The following OLFM2 variants were observed in gnomAD, a reference collection of about 807,000 sequenced individuals.
OLFM2 encodes the protein olfactomedin 2, also known as noelin-2.
In OLFM2, 20 loss-of-function variants were observed where a neutral mutation model predicts 43.9. That is an observed-to-expected ratio of 0.46 (90% confidence interval 0.32 to 0.66). OLFM2 has a LOEUF of 0.66. OLFM2 is among the 30% of genes least tolerant of loss of function. The pLI is 0.04. For missense variants in OLFM2, 416 were observed against 643.6 expected, an observed-to-expected ratio of 0.65 and a Z score of 3.83; for synonymous variants, 268 against 278.6, an observed-to-expected ratio of 0.96 and a Z score of 0.38.
chr19:9,915,050 G>A (rs527519676), intron 1 of OLFM2, among the ~76,000 whole-genome samples: 67 of 152,240 alleles, frequency 4.4e-4, no homozygotes, highest in African/African-American at 1.4e-3. Flanking sequence ...GACCTGTAGG[G>A]ATGACTGTTC....
intron 1 of OLFM2, among the ~76,000 whole-genome samples, chr19:9,915,493 C>CTTTTTTAT (rs779799984): frequency 2.1e-4 from 28 of 130,972 alleles, no homozygotes; most frequent in Middle Eastern, 3.7e-3. Flanking sequence ...GAGAAAGGGA[C>CTTTTTTAT]TTTTTTATTT....
In OLFM2 at chr19:9,856,197, C is replaced by T. The variant is rs1261190502; in HGVS notation, c.687+610G>A. ...CACTGCAACCTCTGCCTCCAGGGTTCAAGTGATTCTCCTGCCTCAGCCTCC... is the reference window on the plus strand; with the variant it reads ...CACTGCAACCTCTGCCTCCAGGGTTTAAGTGATTCTCCTGCCTCAGCCTCC... On this transcript the variant is annotated intron_variant, in intron 5 of 5. Transcript: ENST00000264833. This position sits in a 1 kb window ranked among gnomAD's most constrained non-coding sequence, Gnocchi z 4.0. 6.6e-6 allele frequency among the ~76,000 whole-genome samples: 1 copy of T among 152,202 alleles called. No homozygotes were observed. Among genetic ancestry groups the T allele is most frequent in the Non-Finnish European group, 1.5e-5 (1 of 68,032 alleles).
Position 9,854,281 on chromosome 19 carries a change from G to T in OLFM2, c.1270C>A (p.Pro424Thr), listed in dbSNP as rs2046295221. The change falls in exon 6 of 6, where the codon CCC becomes ACC. Residue 424 changes from proline to threonine, a missense_variant. By Grantham distance (38) the Pro-to-Thr change is conservative. Coordinates refer to ENST00000264833, the MANE Select transcript of OLFM2 (RefSeq NM_058164.4). This position sits in a 1 kb window ranked among gnomAD's most constrained non-coding sequence, Gnocchi z 9.5. ...CAGGTATAGAGGGCGCGCTCCCGGGGGTTGTAATCCAGCATCGAGATGTGG... is the reference window on the plus strand; with the variant it reads ...CAGGTATAGAGGGCGCGCTCCCGGGTGTTGTAATCCAGCATCGAGATGTGG... ...YSHISMLDYN[P>T]RERALYTWNN... 6.2e-7 allele frequency: 1 copy of T among 1,614,028 alleles called. No individual in the cohort carries two copies. Among genetic ancestry groups the T allele is most frequent in the Admixed American group, 1.7e-5 (1 of 60,004 alleles).
At chr19:9,888,121 C>T (rs1212318569) in intron 1 of OLFM2, among the ~76,000 whole-genome samples, 1 of 152,174 alleles carries the variant, frequency 6.6e-6, no homozygotes, top group African/African-American at 2.4e-5. Flanking sequence ...TCCTGCAAAA[C>T]CCCAAACATA....
chr19:9,891,243 G>C (rs903274765), intron 1 of OLFM2, among the ~76,000 whole-genome samples: 1 of 150,528 alleles, frequency 6.6e-6, no homozygotes, highest in Non-Finnish European at 1.5e-5. Context: ...GAACCTGGAG[G>C]CAGAGGTTGC....
At chr19:9,925,058 T>C (rs948131773) in intron 1 of OLFM2, among the ~76,000 whole-genome samples, 19 of 151,182 alleles carry the variant, frequency 1.3e-4, no homozygotes, top group African/African-American at 4.1e-4. Flanking sequence ...AGCCCAGGAG[T>C]TGGAGACCAG....
intron 1 of OLFM2, among the ~76,000 whole-genome samples, chr19:9,880,684 T>TGGCC (rs1277946916): frequency 6.6e-6 from 1 of 152,086 alleles, no homozygotes; most frequent in African/African-American, 2.4e-5. Flanking sequence ...AGTAAGAAGG[T>TGGCC]GGCCACCTGC....
intron 1 of OLFM2, among the ~76,000 whole-genome samples, chr19:9,921,697 G>A (rs1021640921): frequency 6.6e-6 from 1 of 151,876 alleles, no homozygotes; most frequent in Non-Finnish European, 1.5e-5. Context: ...ATATTAGCCA[G>A]GACGGTCTTG....
At chr19:9,868,588 C>T (rs1421612235) in intron 1 of OLFM2, among the ~76,000 whole-genome samples, 1 of 152,132 alleles carries the variant, frequency 6.6e-6, no homozygotes, top group Admixed American at 6.6e-5. Context: ...ATTTTAATCA[C>T]CATCTTTAAA....
chr19:9,876,968 A>G (rs12981687), intron 1 of OLFM2, among the ~76,000 whole-genome samples: 139,189 of 151,044 alleles, frequency 0.92, 64,851 homozygotes, highest in Non-Finnish European at 1. Context: ...GGTGGCTCAC[A>G]CCTGTAATCC....
intron 1 of OLFM2, among the ~76,000 whole-genome samples, chr19:9,910,937 T>A (rs2046822510): frequency 1.3e-5 from 2 of 151,906 alleles, no homozygotes; most frequent in South Asian, 4.2e-4. Flanking sequence ...GACAGACTGA[T>A]GGAATAACAG....
intron 1 of OLFM2, among the ~76,000 whole-genome samples, chr19:9,928,788 G>C (rs910696118): frequency 7.3e-5 from 11 of 151,156 alleles, no homozygotes; most frequent in Non-Finnish European, 1.5e-4. Flanking sequence ...CTGGGCGACA[G>C]AGTGAGACTC....
rs777567615 is a variant in OLFM2 at position 9,857,400 on chromosome 19, C to G, written c.443G>C (p.Arg148Pro). The part of the protein sequence containing the change: ...QYKADTRTIV[R>P]LREEVRNLSG... ...GAGATTCCTCACCTCCTCCCGCAAG[C>G]GTACAATGGTCCGCGTGTCTGCCTT... The change falls in exon 4 of 6, where the codon CGC (arginine) becomes CCC (proline). Residue 148 changes from arginine (R) to proline (P), a missense_variant. By Grantham distance (103) the Arg-to-Pro change is moderately radical. Transcript: ENST00000264833. The surrounding 1 kb of genome is among the most constrained non-coding windows in gnomAD (Gnocchi z 5.7). The G allele has an allele frequency of 1.2e-6, 2 of 1,614,018 alleles. No individual in the cohort carries two copies. Among genetic ancestry groups the G allele is most frequent in the East Asian group, 2.2e-5 (1 of 44,878 alleles).
intron 1 of OLFM2, among the ~76,000 whole-genome samples, chr19:9,899,893 G>A (rs1396587069): frequency 2.0e-5 from 3 of 151,446 alleles, no homozygotes; most frequent in East Asian, 1.9e-4. Context: ...TCTGTACTGC[G>A]CTTATGGCCA....
At chr19:9,867,742 C>T (rs2046413474) in intron 1 of OLFM2, among the ~76,000 whole-genome samples, 2 of 152,168 alleles carry the variant, frequency 1.3e-5, no homozygotes, top group South Asian at 4.1e-4. Flanking sequence ...ATTACAGTTT[C>T]TGCAATTTGC....
chr19:9,905,987 T>G (rs903535169), intron 1 of OLFM2, among the ~76,000 whole-genome samples: 3 of 152,190 alleles, frequency 2.0e-5, no homozygotes, highest in African/African-American at 7.2e-5. Flanking sequence ...TCCCTTGGGT[T>G]CAGACACAAC....
chr19:9,857,821 C>G lies in OLFM2; in HGVS notation c.254G>C (p.Arg85Pro). 6.2e-7 allele frequency: 1 copy of G among 1,614,080 alleles called. No homozygotes were observed. Among genetic ancestry groups the G allele is most frequent in the Non-Finnish European group, 8.5e-7 (1 of 1,180,016 alleles). ...TACATACTGGAGGTCGCGATACGTC[C>G]GCAACTCAAGGACCTCCATGGACTG... is the stretch of plus-strand genomic sequence containing the variant. Reference protein sequence around the residue: ...VSQSMEVLELRTYRDLQYVRG... With the variant: ...VSQSMEVLELPTYRDLQYVRG... The change falls in exon 3 of 6, where the codon CGG (arginine) becomes CCG (proline). Residue 85 changes from arginine (R) to proline (P), a missense_variant. By Grantham distance (103) the Arg-to-Pro change is moderately radical. Transcript: ENST00000264833. The surrounding 1 kb of genome is among the most constrained non-coding windows in gnomAD (Gnocchi z 5.7).
intron 1 of OLFM2, among the ~76,000 whole-genome samples, chr19:9,899,780 T>G (rs745594397): frequency 1.2e-4 from 18 of 151,984 alleles, no homozygotes; most frequent in Non-Finnish European, 1.9e-4. Context: ...CTTGAACTCC[T>G]GGGACCAAGC....
In OLFM2 at chr19:9,860,808, G is replaced by A. The variant is rs377466457; in HGVS notation, c.64-14C>T. 8 of 1,597,352 alleles carry A rather than the reference G, an allele frequency of 5.0e-6. No individual in the cohort carries two copies. Among genetic ancestry groups the A allele is most frequent in the Non-Finnish European group, 6.0e-6 (7 of 1,174,888 alleles). ...CTGGAAGAGAGTCTGCAAAGAGGTG[G>A]GGGTCAGAGACCGGAATCCCAGTGA... is the stretch of plus-strand genomic sequence containing the variant. On this transcript the variant is annotated splice_polypyrimidine_tract_variant and intron_variant, in intron 1 of 5. Coordinates refer to ENST00000264833, the MANE Select transcript of OLFM2 (RefSeq NM_058164.4).
Sources: gnomAD v4.1 joint callset for allele counts (sites outside exome capture counted in the v4.1 genomes callset) on GRCh38, gnomAD v4.1.1 for gene constraint, Gnocchi (gnomAD v3.1) non-coding constraint, MANE v1.5 for transcripts, NCBI Gene and HGNC (gene_info 2026-07-23, HGNC 2026-07-21) for gene names.